EEA1: variants seen among roughly 807,000 people sequenced by gnomAD.
The protein encoded by EEA1 is early endosome antigen 1, 162kD.
EEA1 carries 111 observed loss-of-function variants against 209.2 expected under a neutral mutation model. The ratio of observed to expected loss-of-function variants is 0.53; its 90% CI spans 0.45 to 0.62. The LOEUF is 0.62. EEA1 is among the 20% of genes least tolerant of loss of function. EEA1 has a pLI of 0.00. For synonymous variants in EEA1, 536 were observed against 540.6 expected (o/e 0.99, Z 0.12); for missense variants, 1,343 against 1,530.8 (o/e 0.88, Z 2.05).
chr12:92,789,614 C>T (rs1470948218), intron 21 of EEA1, among the ~76,000 whole-genome samples: 1 of 152,100 alleles, frequency 6.6e-6, no homozygotes, highest in African/African-American at 2.4e-5. Flanking sequence ...AACAAAGTGG[C>T]CAGGAAGCTC....
chr12:92,821,718 C>G (rs954088879), intron 13 of EEA1, among the ~76,000 whole-genome samples: 1 of 151,920 alleles, frequency 6.6e-6, no homozygotes, highest in Admixed American at 6.6e-5. Flanking sequence ...TCTCTGCTTG[C>G]CTGATTTTCA....
chr12:92,784,274 G>A (rs578168607), intron 22 of EEA1, among the ~76,000 whole-genome samples: 1 of 152,296 alleles, frequency 6.6e-6, no homozygotes, highest in East Asian at 1.9e-4. Flanking sequence ...TACGCTATGT[G>A]CCAAATGCAC....
At chr12:92,913,265 C>G (rs1250100636) in intron 1 of EEA1, among the ~76,000 whole-genome samples, 1 of 152,220 alleles carries the variant, frequency 6.6e-6, no homozygotes, top group Non-Finnish European at 1.5e-5. Flanking sequence ...GATGGTATCT[C>G]AATGCATTTT....
At chr12:92,887,541 C>T (rs1879464972) in intron 2 of EEA1, among the ~76,000 whole-genome samples, 4 of 151,892 alleles carry the variant, frequency 2.6e-5, no homozygotes, top group Admixed American at 2.6e-4. Context: ...ACCTATAGTC[C>T]CACTACTGGA....
chr12:92,829,236 G>A (rs573574877), intron 11 of EEA1, among the ~76,000 whole-genome samples: 10 of 151,876 alleles, frequency 6.6e-5, no homozygotes, highest in South Asian at 2.1e-4. Flanking sequence ...GAACCCGGGC[G>A]GCAGAGGTTG....
At chr12:92,891,557 C>A in intron 2 of EEA1, 72 bp downstream of exon 2, 1 of 1,173,350 alleles carries the variant, frequency 8.5e-7, no homozygotes, top group Non-Finnish European at 1.2e-6. Context: ...TACAAATCAC[C>A]AATCGTTACA....
intron 14 of EEA1, 56 bp downstream of exon 14, chr12:92,819,248 TAGTA>T (rs1875934588): frequency 7.4e-7 from 1 of 1,344,120 alleles, no homozygotes; most frequent in Non-Finnish European, 1.0e-6. Context: ...ATAAAGCACT[TAGTA>T]AGACTTAGAG....
intron 2 of EEA1, among the ~76,000 whole-genome samples, chr12:92,890,112 G>A (rs537993689): frequency 2.1e-4 from 32 of 152,284 alleles, no homozygotes; most frequent in African/African-American, 7.0e-4. Context: ...ACCTGAAGAC[G>A]GGATTTCAAG....
intron 24 of EEA1, among the ~76,000 whole-genome samples, chr12:92,779,864 A>G (rs919930688): frequency 2.7e-5 from 4 of 149,452 alleles, no homozygotes; most frequent in African/African-American, 9.8e-5. Flanking sequence ...ATCTATGCTT[A>G]TAACAGGTAA....
chr12:92,840,035 T>G (rs1453656590), intron 10 of EEA1, among the ~76,000 whole-genome samples: 1 of 152,210 alleles, frequency 6.6e-6, no homozygotes, highest in East Asian at 1.9e-4. Flanking sequence ...GATTGGAGCA[T>G]CTACTTTCAA....
In EEA1 at chr12:92,799,770, G is replaced by A. The variant is rs557076738; in HGVS notation, c.2773-684C>T. Among the ~76,000 whole-genome samples the A allele has an allele frequency of 4.6e-5, 7 of 151,796 alleles. No individual in the cohort carries two copies. In the East Asian group the frequency reaches 9.7e-4, roughly 21 times the overall value. On this transcript the variant is annotated intron_variant, in intron 20 of 28. Coordinates refer to ENST00000322349, the MANE Select transcript of EEA1 (RefSeq NM_003566.4). The stretch of plus-strand genomic sequence containing the variant: ...CCACTGCACTCCAGCCTGGGCAACA[G>A]AGCAAGAGACTCCATCTCAAAAAAT...
intron 20 of EEA1, among the ~76,000 whole-genome samples, chr12:92,799,742 G>T (rs374448100): frequency 2.0e-5 from 3 of 151,882 alleles, no homozygotes; most frequent in Non-Finnish European, 4.4e-5. Flanking sequence ...AGCCGAGATC[G>T]TGCCACTGCA....
chr12:92,889,918 AAAAG>A (rs1176138036), intron 2 of EEA1, among the ~76,000 whole-genome samples: 3 of 152,226 alleles, frequency 2.0e-5, no homozygotes, highest in Non-Finnish European at 4.4e-5. Context: ...TGTCTCAAAA[AAAAG>A]AAAGAAAGAA....
At chr12:92,799,251 G>A (rs1471196369) in intron 20 of EEA1, among the ~76,000 whole-genome samples, 165 bp from the exon 21 acceptor site, 2 of 152,124 alleles carry the variant, frequency 1.3e-5, no homozygotes, top group Non-Finnish European at 2.9e-5. Context: ...AAATTACTGA[G>A]GCTGTTGGCT....
chr12:92,785,549 T>C (rs1185003406), intron 22 of EEA1, among the ~76,000 whole-genome samples: 2 of 152,336 alleles, frequency 1.3e-5, no homozygotes, highest in Non-Finnish European at 2.9e-5. Context: ...AGGAATTGAC[T>C]ATTTTTTTTA....
chr12:92,873,618 G>A (rs1235260117), intron 2 of EEA1, among the ~76,000 whole-genome samples: 1 of 152,152 alleles, frequency 6.6e-6, no homozygotes, highest in Non-Finnish European at 1.5e-5. Context: ...GAGAGAGGAA[G>A]ACTGAAAACA....
intron 1 of EEA1, among the ~76,000 whole-genome samples, chr12:92,901,571 GT>G (rs976641481): frequency 1.0e-3 from 145 of 142,934 alleles, no homozygotes; most frequent in Admixed American, 1.6e-3. Flanking sequence ...AGAACTTCTT[GT>G]TTTTTTTTTT....
At chr12:92,807,115 TG>T (rs1365633960) in intron 18 of EEA1, among the ~76,000 whole-genome samples, 1 of 151,918 alleles carries the variant, frequency 6.6e-6, no homozygotes, top group African/African-American at 2.4e-5. Flanking sequence ...CACCATCCCC[TG>T]CTGATTTTTG....
rs117349450 is a variant in EEA1, at chr12:92,890,757, A to G, written c.117+872T>C. Among the ~76,000 whole-genome samples the G allele has an allele frequency of 2.3e-3, 352 of 152,338 alleles. 2 individuals carry two copies. The highest frequency in any genetic ancestry group is 3.9e-3 in the Non-Finnish European group (267 of 68,034). ...TTTTCCTCCCCTCTCGCAAATCTGT[A>G]AAATCTTACTATGGTTAAAATACAT... On this transcript the variant is annotated intron_variant, in intron 2 of 28. Transcript: ENST00000322349.
Sources: gnomAD v4.1 joint callset for allele counts (sites outside exome capture counted in the v4.1 genomes callset) on GRCh38, gnomAD v4.1.1 for gene constraint, MANE v1.5 for transcripts, NCBI Gene and HGNC (gene_info 2026-07-23, HGNC 2026-07-21) for gene names.